Variants in NLGN1 observed in about 807,000 individuals in gnomAD.
NLGN1 encodes neuroligin 1.
NLGN1 carries 12 observed loss-of-function variants against 65.5 expected under a neutral mutation model. That is an observed-to-expected ratio of 0.18 (90% CI 0.12 to 0.30). The LOEUF is 0.30. NLGN1 is among the 10% of genes least tolerant of loss of function. NLGN1 has a pLI of 1.00. For missense variants in NLGN1, 750 were observed against 1,007.1 expected (o/e 0.74, Z 3.46); for synonymous variants, 350 against 359.5 (o/e 0.97, Z 0.30).
intron 4 of NLGN1, among the ~76,000 whole-genome samples, chr3:173,828,819 T>C (rs577340312): frequency 6.6e-6 from 1 of 152,034 alleles, no homozygotes; most frequent in East Asian, 1.9e-4. Context: ...AGATAGGAAC[T>C]AGGTTGGTTG....
intron 2 of NLGN1, among the ~76,000 whole-genome samples, chr3:173,486,386 A>G (rs148328214): frequency 6.6e-6 from 1 of 152,110 alleles, no homozygotes; most frequent in African/African-American, 2.4e-5. Flanking sequence ...ATGTTCACCG[A>G]TATTTTGAGG....
intron 2 of NLGN1, among the ~76,000 whole-genome samples, chr3:173,599,814 C>G (rs3861378): frequency 1.3e-5 from 2 of 152,060 alleles, no homozygotes; most frequent in Non-Finnish European, 2.9e-5. Context: ...TCAACACTTA[C>G]AGCACGTTTA....
intron 2 of NLGN1, among the ~76,000 whole-genome samples, chr3:173,504,483 TAG>T (rs911365162): frequency 6.6e-6 from 1 of 152,024 alleles, no homozygotes; most frequent in African/African-American, 2.4e-5. Flanking sequence ...AGAGGAAAAA[TAG>T]AGTTTGCAAA....
At chr3:174,261,998 G>A (rs1375389760) in intron 4 of NLGN1, among the ~76,000 whole-genome samples, 8 of 144,564 alleles carry the variant, frequency 5.5e-5, no homozygotes, top group East Asian at 2.1e-4. Flanking sequence ...ACTGATTTGC[G>A]TATATTGAAC....
At chr3:173,825,247 T>C (rs916861665) in intron 4 of NLGN1, among the ~76,000 whole-genome samples, 9 of 152,074 alleles carry the variant, frequency 5.9e-5, no homozygotes, top group African/African-American at 2.2e-4. Context: ...AAAAATTATT[T>C]TTGAAATGTT....
intron 3 of NLGN1, among the ~76,000 whole-genome samples, chr3:173,675,887 T>TCTCTCACACACACACACACA (rs756157881): frequency 7.2e-6 from 1 of 138,578 alleles, no homozygotes; most frequent in Admixed American, 7.2e-5. Context: ...TCTCTCTCTC[T>TCTCTCACACACACACACACA]CACACACACA....
chr3:173,738,513 T>A (rs538853308), intron 3 of NLGN1, among the ~76,000 whole-genome samples: 1 of 152,212 alleles, frequency 6.6e-6, no homozygotes, highest in Admixed American at 6.5e-5. Flanking sequence ...CTTTCCCCAA[T>A]GCATTTTCTT....
At chr3:173,737,154 A>G (rs1773901487) in intron 3 of NLGN1, among the ~76,000 whole-genome samples, 1 of 152,014 alleles carries the variant, frequency 6.6e-6, no homozygotes, top group African/African-American at 2.4e-5. Flanking sequence ...AATAGAGTGA[A>G]CATGTGTCAC....
intron 2 of NLGN1, among the ~76,000 whole-genome samples, chr3:173,547,628 A>G (rs1740107590): frequency 6.6e-6 from 1 of 152,132 alleles, no homozygotes; most frequent in South Asian, 2.1e-4. Flanking sequence ...TTGCTACTAA[A>G]CATAAGTTCT....
intron 3 of NLGN1, among the ~76,000 whole-genome samples, chr3:173,733,292 G>T (rs899441502): frequency 2.6e-5 from 4 of 152,040 alleles, no homozygotes; most frequent in Non-Finnish European, 4.4e-5. Flanking sequence ...AAAACTTTCA[G>T]GAATGGTTGT....
At chr3:173,427,733 T>G (rs1396925883) in intron 1 of NLGN1, among the ~76,000 whole-genome samples, 2 of 151,952 alleles carry the variant, frequency 1.3e-5, no homozygotes, top group Non-Finnish European at 2.9e-5. Context: ...TGGCCTAAGA[T>G]ATGGTCTATC....
chr3:173,602,667 T>G (rs1750733867), intron 2 of NLGN1, among the ~76,000 whole-genome samples: 1 of 151,880 alleles, frequency 6.6e-6, no homozygotes, highest in Non-Finnish European at 1.5e-5. Flanking sequence ...TACTTGAAAA[T>G]TAGGTTGAAT....
chr3:173,813,033 A>G (rs1332276743), intron 4 of NLGN1, among the ~76,000 whole-genome samples: 1 of 151,610 alleles, frequency 6.6e-6, no homozygotes, highest in African/African-American at 2.4e-5. Context: ...TTCACTTGAT[A>G]TATAAAAGGA....
intron 2 of NLGN1, among the ~76,000 whole-genome samples, chr3:173,586,534 T>G (rs1159260149): frequency 6.6e-6 from 1 of 152,238 alleles, no homozygotes; most frequent in Non-Finnish European, 1.5e-5. Context: ...GAGATTTGTT[T>G]TCTAAAGATG....
rs145840904 is a variant in NLGN1, at chr3:173,786,320, T to C, written c.494-21360T>C. 3.2e-3 allele frequency among the ~76,000 whole-genome samples: 487 copies of C among 152,292 alleles called. 1 individual carries two copies. Among genetic ancestry groups the C allele is most frequent in the African/African-American group, 0.011 (453 of 41,562 alleles). ...TCCCTATGTGTTCAGTTTTCTTTCC[T>C]TCTTTTTTTTAAGTACCAAACCATT... On this transcript the variant is annotated intron_variant, in intron 3 of 6. Transcript: ENST00000457714.
At chr3:174,031,189 C>G (rs2152472759) in intron 4 of NLGN1, among the ~76,000 whole-genome samples, 1 of 152,266 alleles carries the variant, frequency 6.6e-6, no homozygotes, top group Non-Finnish European at 1.5e-5. Context: ...TCTCCACAAC[C>G]AGGGCCAACT....
At chr3:173,918,573 C>A (rs972217230) in intron 4 of NLGN1, among the ~76,000 whole-genome samples, 1 of 139,758 alleles carries the variant, frequency 7.2e-6, no homozygotes, top group Non-Finnish European at 1.5e-5. Context: ...GTGGAGGTTG[C>A]AGTGAGCTGA....
chr3:173,426,274 A>G (rs1316951666), intron 1 of NLGN1, among the ~76,000 whole-genome samples: 3 of 152,118 alleles, frequency 2.0e-5, no homozygotes, highest in Non-Finnish European at 4.4e-5. Flanking sequence ...TGTCATCTGC[A>G]AACAAGGACA....
intron 3 of NLGN1, among the ~76,000 whole-genome samples, chr3:173,651,101 A>G (rs1759103610): frequency 6.6e-6 from 1 of 151,684 alleles, no homozygotes; most frequent in East Asian, 1.9e-4. Context: ...CTACCCCTCC[A>G]AGTCTCCAGT....
Sources: gnomAD v4.1 joint callset for allele counts (sites outside exome capture counted in the v4.1 genomes callset) on GRCh38, gnomAD v4.1.1 for gene constraint, MANE v1.5 for transcripts, NCBI Gene and HGNC (gene_info 2026-07-23, HGNC 2026-07-21) for gene names.